Variants in OCLN observed in about 807,000 individuals in gnomAD.
OCLN encodes occludin, also known as phosphatase 1, regulatory subunit 115.
A neutral mutation model predicts 47.9 loss-of-function variants in OCLN; 21 were observed. That is an observed-to-expected ratio of 0.44 (90% confidence interval 0.31 to 0.63). The LOEUF is 0.63. Among genes scored for constraint, OCLN ranks in the 30% least tolerant of loss-of-function variants. OCLN has a pLI of 0.08. For missense variants in OCLN, 360 were observed against 571.0 expected (o/e 0.63, Z 3.77); for synonymous variants, 117 against 198.4 (o/e 0.59, Z 3.45).
intron 4 of OCLN, among the ~76,000 whole-genome samples, chr5:69,522,151 G>T (rs925112912): frequency 2.0e-5 from 3 of 151,954 alleles, no homozygotes; most frequent in Non-Finnish European, 4.4e-5. Flanking sequence ...ATTTTTTTAT[G>T]TACTTATATT....
At chr5:69,524,826 A>G (rs1769233320) in intron 4 of OCLN, among the ~76,000 whole-genome samples, 1 of 152,200 alleles carries the variant, frequency 6.6e-6, no homozygotes, top group South Asian at 2.1e-4. Flanking sequence ...AGCTGGGATT[A>G]TAGGCGTATG....
intron 3 of OCLN, among the ~76,000 whole-genome samples, chr5:69,512,284 C>T (rs1251082220): frequency 1.3e-5 from 2 of 152,194 alleles, no homozygotes; most frequent in Admixed American, 6.5e-5. Flanking sequence ...TGTTTATATG[C>T]AGTTGTCTCA....
At chr5:69,529,744 G>T (rs765905661) in intron 4 of OCLN, among the ~76,000 whole-genome samples, 1 of 151,814 alleles carries the variant, frequency 6.6e-6, no homozygotes, top group East Asian at 1.9e-4. Flanking sequence ...CTGGGATTAC[G>T]GGCGTGCGTC....
Position 69,514,016 on chromosome 5 carries a change from A to G in OCLN, c.798A>G (p.Lys266=). ...CTTTAATAATTTTCTTTGCTGTGAA[A>G]ACTCGAAGAAAGATGGACAGGTATG... ...AFALIIFFAV[K]TRRKMDRYDK... Residue 266 remains lysine (K), a synonymous_variant, in exon 4 of 9, where the codon AAA becomes AAG. Coordinates refer to ENST00000396442, the MANE Select transcript of OCLN (RefSeq NM_001205254.2). 1 of 1,613,956 alleles carries G rather than the reference A, an allele frequency of 6.2e-7. No homozygotes were observed. Among genetic ancestry groups the G allele is most frequent in the South Asian group, 1.1e-5 (1 of 91,074 alleles).
chr5:69,500,590 T>C (rs908382050), intron 1 of OCLN, among the ~76,000 whole-genome samples: 2 of 151,964 alleles, frequency 1.3e-5, no homozygotes, highest in African/African-American at 4.8e-5. Context: ...TTAGTAGAGA[T>C]AGGGTTTCAC....
At chr5:69,521,004 C>T (rs1036441538) in intron 4 of OCLN, among the ~76,000 whole-genome samples, 2 of 152,066 alleles carry the variant, frequency 1.3e-5, no homozygotes, top group Non-Finnish European at 2.9e-5. Context: ...CATGCCACCA[C>T]GTCTAGCTAA....
intron 2 of OCLN, among the ~76,000 whole-genome samples, chr5:69,506,979 A>G (rs966031219): frequency 6.6e-6 from 1 of 152,156 alleles, no homozygotes; most frequent in Non-Finnish European, 1.5e-5. Flanking sequence ...GCAAACATAC[A>G]TACTCATCAC....
intron 4 of OCLN, among the ~76,000 whole-genome samples, chr5:69,514,334 G>A (rs1768867312): frequency 6.6e-6 from 1 of 152,076 alleles, no homozygotes; most frequent in Admixed American, 6.5e-5. Context: ...TCTTGGTTTT[G>A]AAAAGAAATG....
chr5:69,515,539 C>T (rs1768922542), intron 4 of OCLN, among the ~76,000 whole-genome samples: 1 of 2,710 alleles, frequency 3.7e-4, no homozygotes, highest in Non-Finnish European at 8.5e-4. Flanking sequence ...GGGGGGCTGA[C>T]CCCCCCCCAC....
At chr5:69,497,935 A>T (rs1422059355) in intron 1 of OCLN, among the ~76,000 whole-genome samples, 1 of 151,874 alleles carries the variant, frequency 6.6e-6, no homozygotes, top group Non-Finnish European at 1.5e-5. Flanking sequence ...GATCGAGACC[A>T]TCCCGGCTAA....
Position 69,536,042 on chromosome 5 carries a change from G to A in OCLN, c.1037+1203G>A, listed in dbSNP as rs1253144309. On this transcript the variant is annotated intron_variant, in intron 5 of 8. Transcript: ENST00000396442. Reference sequence around the variant, plus strand: ...TGAGGCAGGAGAGTCGGTTTAACCCGGGAGGCGGAGGTTGTTGTAAGTGGA... The same window carrying A: ...TGAGGCAGGAGAGTCGGTTTAACCCAGGAGGCGGAGGTTGTTGTAAGTGGA... Among the ~76,000 whole-genome samples, 720 of 151,038 alleles carry A rather than the reference G, an allele frequency of 4.8e-3. 3 individuals are homozygous for A. Among genetic ancestry groups the A allele is most frequent in the African/African-American group, 0.017 (668 of 40,336 alleles).
chr5:69,498,442 C>T (rs996001673), intron 1 of OCLN, among the ~76,000 whole-genome samples: 41 of 151,720 alleles, frequency 2.7e-4, no homozygotes, highest in Admixed American at 2.0e-3. Context: ...TGCATTGAGC[C>T]GAGATCACGC....
At chr5:69,515,525 G>A (rs1417270531) in intron 4 of OCLN, among the ~76,000 whole-genome samples, 95 of 111,152 alleles carry the variant, frequency 8.5e-4, no homozygotes, top group East Asian at 2.0e-3. Context: ...GCGGCTGGCC[G>A]GGCGGGGGGC....
intron 1 of OCLN, among the ~76,000 whole-genome samples, chr5:69,498,999 T>A (rs935137978): frequency 6.6e-6 from 1 of 152,162 alleles, no homozygotes; most frequent in Non-Finnish European, 1.5e-5. Context: ...CTTTAAATAA[T>A]CTCTAGTTAT....
Position 69,553,794 on chromosome 5 carries a change from G to A in OCLN, c.*123G>A, listed in dbSNP as rs1769899485. On this transcript the variant is annotated 3_prime_UTR_variant, in exon 9 of 9. Coordinates refer to ENST00000396442, the MANE Select transcript of OCLN (RefSeq NM_001205254.2). ...CCTCTGTGAGCATCACAAAGTTTTGGTTGCTTTAACATCATCAGTATTGAA... is the reference window on the plus strand; with the variant it reads ...CCTCTGTGAGCATCACAAAGTTTTGATTGCTTTAACATCATCAGTATTGAA... 1.3e-6 allele frequency: 2 copies of A among 1,556,882 alleles called. No individual in the cohort carries two copies. Among genetic ancestry groups the A allele is most frequent in the South Asian group, 2.3e-5 (2 of 87,362 alleles).
chr5:69,529,607 T>C (rs1769374856), intron 4 of OCLN, among the ~76,000 whole-genome samples: 1 of 152,106 alleles, frequency 6.6e-6, no homozygotes, highest in South Asian at 2.1e-4. Flanking sequence ...TGAGTTACTT[T>C]GTTGTTTTTT....
At chr5:69,523,192 C>T (rs1769189508) in intron 4 of OCLN, among the ~76,000 whole-genome samples, 1 of 152,010 alleles carries the variant, frequency 6.6e-6, no homozygotes, top group Non-Finnish European at 1.5e-5. Flanking sequence ...TAATTTTGTT[C>T]CCAAATGGTC....
intron 5 of OCLN, 123 bp downstream of exon 5, chr5:69,534,962 A>T: frequency 1.6e-6 from 1 of 609,272 alleles, no homozygotes; most frequent in Non-Finnish European, 2.9e-6. Flanking sequence ...CTGGATCTGG[A>T]TCTTGGTATT....
At chr5:69,536,803 C>G (rs1287021686) in intron 5 of OCLN, among the ~76,000 whole-genome samples, 3 of 151,718 alleles carry the variant, frequency 2.0e-5, no homozygotes, top group Non-Finnish European at 4.4e-5. Context: ...CCCGTGTCTA[C>G]TAAAAGTACG....
Sources: allele counts gnomAD v4.1 joint callset (sites outside exome capture counted in the v4.1 genomes callset), GRCh38; gene constraint gnomAD v4.1.1; transcripts MANE v1.5; gene names NCBI Gene and HGNC (gene_info 2026-07-23, HGNC 2026-07-21).